ATRNL1: variants seen among roughly 807,000 people sequenced by gnomAD.
The protein encoded by ATRNL1 is attractin like 1, also known as attractin-like protein 1.
In ATRNL1, 95 loss-of-function variants were observed where a neutral mutation model predicts 182.7. The ratio of observed to expected loss-of-function variants is 0.52; its 90% confidence interval spans 0.44 to 0.62. The LOEUF is 0.62. Among genes scored for constraint, ATRNL1 ranks in the 20% least tolerant of loss-of-function variants. The pLI, the probability that ATRNL1 is intolerant of heterozygous loss-of-function variation, is 0.00. For missense variants in ATRNL1, 1,471 were observed against 1,679.5 expected, an observed-to-expected ratio of 0.88 and a Z score of 2.17; for synonymous variants, 576 against 568.3, an observed-to-expected ratio of 1.01 and a Z score of -0.19.
At chr10:115,170,837 GT>G (rs1185743245) in intron 7 of ATRNL1, among the ~76,000 whole-genome samples, 199 bp from the exon 8 acceptor site, 4 of 151,832 alleles carry the variant, frequency 2.6e-5, no homozygotes, top group Admixed American at 1.3e-4. Flanking sequence ...AAGCTTTGCT[GT>G]TTCCCCCCCT....
intron 26 of ATRNL1, among the ~76,000 whole-genome samples, chr10:115,634,252 C>T (rs1024267095): frequency 5.9e-5 from 9 of 151,966 alleles, no homozygotes; most frequent in Admixed American, 3.9e-4. Context: ...TACAATTTTC[C>T]GACTCACTGT....
chr10:115,280,866 C>T (rs185528753), intron 13 of ATRNL1, among the ~76,000 whole-genome samples: 3 of 152,310 alleles, frequency 2.0e-5, no homozygotes, highest in African/African-American at 4.8e-5. Context: ...TCTATTATTA[C>T]GGGCGTAGGC....
intron 20 of ATRNL1, among the ~76,000 whole-genome samples, 155 bp downstream of exon 20, chr10:115,394,907 G>T (rs1264779170): frequency 6.6e-6 from 1 of 151,902 alleles, no homozygotes. Flanking sequence ...ACATGTGCAG[G>T]TTTTTAACAT....
intron 28 of ATRNL1, among the ~76,000 whole-genome samples, chr10:115,871,360 A>G (rs1555106032): frequency 6.7e-6 from 1 of 150,048 alleles, no homozygotes; most frequent in Non-Finnish European, 1.5e-5. Context: ...TTTTTTTGCC[A>G]TAGCCTTTCT....
chr10:115,625,163 G>A (rs1858012004), intron 26 of ATRNL1, among the ~76,000 whole-genome samples: 1 of 152,150 alleles, frequency 6.6e-6, no homozygotes, highest in Non-Finnish European at 1.5e-5. Flanking sequence ...GTTAGTGGAT[G>A]CTGCCTTTAA....
intron 19 of ATRNL1, among the ~76,000 whole-genome samples, chr10:115,379,392 T>C (rs1857859363): frequency 1.3e-5 from 2 of 152,224 alleles, no homozygotes; most frequent in Admixed American, 1.3e-4. Context: ...AAGGGAATTC[T>C]CTCACAATGA....
intron 26 of ATRNL1, among the ~76,000 whole-genome samples, chr10:115,713,467 T>TTTGTGTGTGTGTGTGTG (rs1565310435): frequency 4.3e-4 from 32 of 74,470 alleles, no homozygotes; most frequent in African/African-American, 1.2e-3. Context: ...GTGTGTGTGT[T>TTTGTGTGTGTGTGTGTG]TGTGTGTGTG....
chr10:115,851,178 G>A (rs534365696), intron 28 of ATRNL1, among the ~76,000 whole-genome samples: 6 of 151,968 alleles, frequency 3.9e-5, no homozygotes, highest in African/African-American at 1.4e-4. Context: ...TCAGTGTCAT[G>A]TGTACTCTCC....
At chr10:115,369,001 A>G (rs1857236619) in intron 19 of ATRNL1, among the ~76,000 whole-genome samples, 1 of 152,106 alleles carries the variant, frequency 6.6e-6, no homozygotes, top group Non-Finnish European at 1.5e-5. Flanking sequence ...TGCATAAGCC[A>G]CTGCGCCCAG....
At chr10:115,385,459 A>G (rs1435327530) in intron 19 of ATRNL1, among the ~76,000 whole-genome samples, 4 of 152,134 alleles carry the variant, frequency 2.6e-5, no homozygotes, top group Non-Finnish European at 5.9e-5. Context: ...TATTTCACAT[A>G]GAAGATCTCC....
At chr10:115,138,993 T>C (rs1845642228) in intron 5 of ATRNL1, among the ~76,000 whole-genome samples, 1 of 152,192 alleles carries the variant, frequency 6.6e-6, no homozygotes, top group Non-Finnish European at 1.5e-5. Flanking sequence ...CCCTAAATCA[T>C]CTTTCTCAAG....
chr10:115,880,500 T>C (rs1951802717), intron 28 of ATRNL1, among the ~76,000 whole-genome samples: 1 of 152,144 alleles, frequency 6.6e-6, no homozygotes. Context: ...TGCTGATGGG[T>C]ACCTGTAATC....
In ATRNL1 at chr10:115,847,978, C is replaced by G. The variant is rs782427158; in HGVS notation, c.4005C>G (p.Pro1335=). 1 of 1,599,260 alleles carries G rather than the reference C, an allele frequency of 6.3e-7. No individual in the cohort carries two copies. Among genetic ancestry groups the G allele is most frequent in the South Asian group, 1.1e-5 (1 of 90,704 alleles). The change falls in exon 28 of 29, where the codon CCC becomes CCG. Residue 1335 remains proline, a synonymous_variant. Coordinates refer to ENST00000355044, the MANE Select transcript of ATRNL1 (RefSeq NM_207303.4). ...CACGAGGATCATCAGGTGCCCCTCCCCCTGGGCAGTCAGGTATGATAAATG... is the reference window on the plus strand; with the variant it reads ...CACGAGGATCATCAGGTGCCCCTCCGCCTGGGCAGTCAGGTATGATAAATG... The part of the protein sequence containing the change: ...CLPRGSSGAP[P]PGQSGLAIAS...
intron 28 of ATRNL1, among the ~76,000 whole-genome samples, chr10:115,928,978 C>T (rs1034300939): frequency 4.6e-5 from 7 of 151,954 alleles, no homozygotes; most frequent in Admixed American, 2.0e-4. Context: ...TATTTTCAAA[C>T]TCACTGAATC....
At chr10:115,664,991 G>T (rs1860918927) in intron 26 of ATRNL1, among the ~76,000 whole-genome samples, 1 of 152,096 alleles carries the variant, frequency 6.6e-6, no homozygotes. Context: ...AGATAAAATA[G>T]TTCAACACAG....
rs1945707023 is a variant in ATRNL1 at position 115,671,882 on chromosome 10, A to G, written c.3796-55366A>G. 2.6e-5 allele frequency among the ~76,000 whole-genome samples: 4 copies of G among 152,052 alleles called. No individual in the cohort carries two copies. In the South Asian group the frequency reaches 8.3e-4, roughly 32 times the overall value. The stretch of plus-strand genomic sequence containing the variant: ...TGTGGGTATTTAGAGTTATTTTTGG[A>G]TATGATATTATCTTGAGACTGCCCA... On this transcript the variant is annotated intron_variant, in intron 26 of 28. Coordinates refer to ENST00000355044, the MANE Select transcript of ATRNL1 (RefSeq NM_207303.4).
chr10:115,220,220 G>C (rs933293216), intron 9 of ATRNL1, among the ~76,000 whole-genome samples: 1 of 152,148 alleles, frequency 6.6e-6, no homozygotes, highest in Non-Finnish European at 1.5e-5. Flanking sequence ...CAATAGTAAA[G>C]GGCTTCTATG....
chr10:115,868,103 G>C (rs1951481590), intron 28 of ATRNL1, among the ~76,000 whole-genome samples: 1 of 152,022 alleles, frequency 6.6e-6, no homozygotes, highest in Non-Finnish European at 1.5e-5. Context: ...CTTATACATT[G>C]AATTGGTTGC....
chr10:115,441,820 T>C (rs1846695537), intron 21 of ATRNL1, among the ~76,000 whole-genome samples: 2 of 152,000 alleles, frequency 1.3e-5, no homozygotes. Context: ...AAAGCCTTCT[T>C]TGATTCCTGA....
Sources: gnomAD v4.1 joint callset for allele counts (sites outside exome capture counted in the v4.1 genomes callset) on GRCh38, gnomAD v4.1.1 for gene constraint, MANE v1.5 for transcripts, NCBI Gene and HGNC (gene_info 2026-07-23, HGNC 2026-07-21) for gene names.